SNX9: variants seen among roughly 807,000 people sequenced by gnomAD.
The protein encoded by SNX9 is sorting nexin-9.
Under a neutral mutation model 89.4 loss-of-function variants are expected in SNX9, and 44 were observed. The ratio of observed to expected loss-of-function variants is 0.49; its 90% confidence interval spans 0.39 to 0.63. The LOEUF (loss-of-function observed/expected upper bound fraction) is 0.63. SNX9 is among the 30% of genes least tolerant of loss of function. SNX9 has a pLI of 0.00. For missense variants in SNX9, 578 were observed against 736.1 expected, an observed-to-expected ratio of 0.79 and a Z score of 2.49; for synonymous variants, 236 against 247.8, an observed-to-expected ratio of 0.95 and a Z score of 0.45.
chr6:157,892,905 A>C (rs1197162970), intron 4 of SNX9: 1 of 152,134 alleles, frequency 6.6e-6, no homozygotes, highest in Admixed American at 6.6e-5. Flanking sequence ...AGCGGAAGAG[A>C]GGTAGAGCTG....
At chr6:157,828,490 GATT>G (rs1159278015) in intron 1 of SNX9, among the ~76,000 whole-genome samples, 1 of 151,958 alleles carries the variant, frequency 6.6e-6, no homozygotes, top group Non-Finnish European at 1.5e-5. Context: ...TTATGATTAT[GATT>G]ATTATTATTT....
chr6:157,890,007 A>G (rs1360500197), intron 4 of SNX9, among the ~76,000 whole-genome samples: 1 of 152,242 alleles, frequency 6.6e-6, no homozygotes. Flanking sequence ...ACCCAAGGCC[A>G]CACAGCTAGT....
intron 4 of SNX9, among the ~76,000 whole-genome samples, chr6:157,876,222 C>T (rs1322974168): frequency 3.9e-5 from 6 of 152,220 alleles, no homozygotes; most frequent in East Asian, 3.9e-4. Context: ...GAGGCCGAGG[C>T]GGGCGGATCA....
At chr6:157,844,601 T>G (rs1433365086) in intron 1 of SNX9, among the ~76,000 whole-genome samples, 3 of 99,226 alleles carry the variant, frequency 3.0e-5, no homozygotes, top group Non-Finnish European at 6.8e-5. Context: ...TTTTTTTTTG[T>G]TTTTTTTTTT....
intron 5 of SNX9, among the ~76,000 whole-genome samples, chr6:157,898,904 G>A (rs183482366): frequency 3.9e-5 from 6 of 152,266 alleles, no homozygotes; most frequent in African/African-American, 1.4e-4. Flanking sequence ...TAGAAGCGTT[G>A]GGAGACTCCT....
At chr6:157,851,268 A>AAC (rs1554292251) in intron 1 of SNX9, among the ~76,000 whole-genome samples, 16 of 151,262 alleles carry the variant, frequency 1.1e-4, no homozygotes, top group African/African-American at 3.7e-4. Flanking sequence ...AAAAAAAAAA[A>AAC]ACCCTAAAAT....
intron 11 of SNX9, 75 bp downstream of exon 11, chr6:157,927,289 T>A: frequency 1.9e-6 from 2 of 1,047,656 alleles, no homozygotes; most frequent in Non-Finnish European, 2.9e-6. Context: ...TCAGCCAGTG[T>A]AGCCGCAGCC....
intron 4 of SNX9, chr6:157,892,735 A>G (rs1027046419): frequency 6.6e-6 from 1 of 152,184 alleles, no homozygotes; most frequent in African/African-American, 2.4e-5. Flanking sequence ...CTTCCTGGCC[A>G]GTTTGCTAAG....
chr6:157,858,099 G>C (rs1782047799), intron 1 of SNX9, among the ~76,000 whole-genome samples: 1 of 152,070 alleles, frequency 6.6e-6, no homozygotes, highest in Admixed American at 6.6e-5. Context: ...AGGTTCAGTG[G>C]TAGCACAGGT....
intron 1 of SNX9, among the ~76,000 whole-genome samples, chr6:157,862,614 A>G (rs973033718): frequency 1.3e-5 from 2 of 152,226 alleles, no homozygotes; most frequent in African/African-American, 2.4e-5. Flanking sequence ...AGAGGTAGAT[A>G]CTTAAGAATG....
At chr6:157,880,687 A>G (rs976894466) in intron 4 of SNX9, among the ~76,000 whole-genome samples, 1 of 152,166 alleles carries the variant, frequency 6.6e-6, no homozygotes, top group Non-Finnish European at 1.5e-5. Flanking sequence ...CATCCTTGAG[A>G]TGTGGAAAGA....
At chr6:157,897,429 T>C (rs1434230083) in intron 5 of SNX9, among the ~76,000 whole-genome samples, 1 of 152,186 alleles carries the variant, frequency 6.6e-6, no homozygotes, top group African/African-American at 2.4e-5. Flanking sequence ...TGCCCCTACA[T>C]GTTCAGCACC....
rs760135782 is a variant in SNX9 at position 157,875,142 on chromosome 6, A to G, written c.266A>G (p.Gln89Arg). ...FLDSLSASTA[Q>R]ASSSAASNNH... is the part of the protein sequence containing the mutation. ...GATTCTCTCTCAGCCAGCACAGCTC[A>G]GGCCAGTTCGTCGGCTGCCAGCAAC... is the stretch of plus-strand genomic sequence containing the variant. Residue 89 changes from glutamine (Q) to arginine (R), a missense_variant, in exon 4 of 18, where the codon CAG becomes CGG. Transcript: ENST00000392185. 6.2e-7 allele frequency: 1 copy of G among 1,611,262 alleles called. No homozygotes were observed. The highest frequency in any genetic ancestry group is 1.7e-5 in the Admixed American group (1 of 59,710).
Position 157,829,817 on chromosome 6 carries a change from A to C in SNX9, c.12+6371A>C, listed in dbSNP as rs1426603842. On this transcript the variant is annotated intron_variant, in intron 1 of 17. Coordinates refer to ENST00000392185, the MANE Select transcript of SNX9 (RefSeq NM_016224.5). ...GCCAATAGCTGAATTTTACCTTTTT[A>C]TCCAGTCTGATCTTGGTGCCTGCCT... Among the ~76,000 whole-genome samples, 4 of 152,100 alleles carry C rather than the reference A, an allele frequency of 2.6e-5. No individual in the cohort carries two copies. In the East Asian group the frequency reaches 7.7e-4, roughly 29 times the overall value.
chr6:157,864,245 C>T (rs1022712272), intron 1 of SNX9, among the ~76,000 whole-genome samples: 7 of 152,092 alleles, frequency 4.6e-5, no homozygotes, highest in Admixed American at 2.6e-4. Flanking sequence ...CCCACTCCCA[C>T]GAGCCCTTTT....
chr6:157,836,162 C>A (rs1781579115), intron 1 of SNX9, among the ~76,000 whole-genome samples: 1 of 152,042 alleles, frequency 6.6e-6, no homozygotes. Context: ...TGTGCCCAGG[C>A]TGATCTTGAA....
chr6:157,902,311 A>G (rs1409305632), intron 6 of SNX9, among the ~76,000 whole-genome samples: 1 of 152,178 alleles, frequency 6.6e-6, no homozygotes, highest in African/African-American at 2.4e-5. Flanking sequence ...TAGCTTTATC[A>G]ATTTATGACA....
chr6:157,917,471 T>C (rs996090704), intron 9 of SNX9, among the ~76,000 whole-genome samples: 1 of 152,190 alleles, frequency 6.6e-6, no homozygotes, highest in Non-Finnish European at 1.5e-5. Flanking sequence ...CTATAAAGTC[T>C]ACCTTATTGA....
intron 7 of SNX9, 48 bp downstream of exon 7, chr6:157,906,260 T>G (rs1783213555): frequency 1.4e-6 from 2 of 1,443,934 alleles, no homozygotes; most frequent in Non-Finnish European, 1.9e-6. Context: ...AAGCTCTTTC[T>G]TATACCGTAC....
Sources: gnomAD v4.1 joint callset for allele counts (sites outside exome capture counted in the v4.1 genomes callset) on GRCh38, gnomAD v4.1.1 for gene constraint, MANE v1.5 for transcripts, NCBI Gene and HGNC (gene_info 2026-07-23, HGNC 2026-07-21) for gene names.